Variants in TOM1L2 observed in about 807,000 individuals in gnomAD.
TOM1L2 encodes TOM1-like protein 2.
A neutral mutation model predicts 67.9 loss-of-function variants in TOM1L2; 31 were observed. That is an observed-to-expected ratio of 0.46 (90% CI 0.34 to 0.62). The LOEUF is 0.62. Among genes scored for constraint, TOM1L2 ranks in the 20% least tolerant of loss-of-function variants. The pLI, the probability that TOM1L2 is intolerant of heterozygous loss-of-function variation, is 0.01. For missense variants in TOM1L2, 606 were observed against 663.5 expected (o/e 0.91, Z 0.95); for synonymous variants, 256 against 254.0 (o/e 1.01, Z -0.07).
At chr17:17,919,474 C>T (rs2039762885) in intron 1 of TOM1L2, among the ~76,000 whole-genome samples, 1 of 152,234 alleles carries the variant, frequency 6.6e-6, no homozygotes, top group African/African-American at 2.4e-5. Context: ...GACCTCCATG[C>T]TTCCAGAAGG....
At chr17:17,890,365 G>T (rs529221238) in intron 4 of TOM1L2, among the ~76,000 whole-genome samples, 155 of 152,016 alleles carry the variant, frequency 1.0e-3, no homozygotes, top group African/African-American at 3.5e-3. Flanking sequence ...GCTAATATTT[G>T]GCCATTTTTG....
chr17:17,867,162 G>A (rs1313734148), intron 8 of TOM1L2, among the ~76,000 whole-genome samples: 2 of 152,112 alleles, frequency 1.3e-5, no homozygotes, highest in Non-Finnish European at 2.9e-5. Context: ...GTGGTGGCTG[G>A]CCCATCATGG....
chr17:17,875,960 G>C (rs1449663013), intron 7 of TOM1L2, among the ~76,000 whole-genome samples: 1 of 152,254 alleles, frequency 6.6e-6, no homozygotes, highest in Non-Finnish European at 1.5e-5. Context: ...GACGCAAGAA[G>C]CAAGAGGAGA....
intron 4 of TOM1L2, 140 bp from the exon 5 acceptor site, chr17:17,884,908 G>A (rs1340302371): frequency 2.6e-6 from 3 of 1,134,438 alleles, no homozygotes; most frequent in African/African-American, 1.5e-5. Context: ...AACCTATTCT[G>A]TTCCTCTCCT....
At chr17:17,911,286 C>T (rs901123131) in intron 1 of TOM1L2, among the ~76,000 whole-genome samples, 3 of 151,946 alleles carry the variant, frequency 2.0e-5, no homozygotes, top group Non-Finnish European at 4.4e-5. Context: ...TCTGATTACC[C>T]GAGCTCAGGC....
intron 1 of TOM1L2, among the ~76,000 whole-genome samples, chr17:17,934,892 C>A (rs1459075542): frequency 6.6e-6 from 1 of 152,150 alleles, no homozygotes; most frequent in Non-Finnish European, 1.5e-5. Context: ...GCTCCAGGTT[C>A]CTGAGATTTC....
intron 10 of TOM1L2, 116 bp downstream of exon 10, chr17:17,866,180 A>G (rs1403402205): frequency 7.8e-7 from 1 of 1,280,392 alleles, no homozygotes; most frequent in Non-Finnish European, 1.0e-6. Context: ...ATACACTTTC[A>G]CATGTATTTC....
chr17:17,897,895 G>T lies in TOM1L2; in HGVS notation c.216+701C>A, dbSNP rs143625645. On this transcript the variant is annotated intron_variant, in intron 3 of 14. Transcript: ENST00000379504. Reference sequence around the variant, plus strand: ...AAAGTTCAGCACAGTCCCAGGCAGGGGCAGGTACTCAATAGGTGGAAGTTA... The same window carrying T: ...AAAGTTCAGCACAGTCCCAGGCAGGTGCAGGTACTCAATAGGTGGAAGTTA... Among the ~76,000 whole-genome samples, 3 of 151,962 alleles carry T rather than the reference G, an allele frequency of 2.0e-5. No individual in the cohort carries two copies. In the East Asian group the frequency reaches 5.8e-4, roughly 29 times the overall value.
intron 1 of TOM1L2, among the ~76,000 whole-genome samples, chr17:17,916,988 C>G (rs2039652963): frequency 6.6e-6 from 1 of 152,074 alleles, no homozygotes; most frequent in Non-Finnish European, 1.5e-5. Context: ...GGTGAAACCC[C>G]ATCTCTACTA....
intron 1 of TOM1L2, among the ~76,000 whole-genome samples, 178 bp downstream of exon 1, chr17:17,972,084 G>A (rs912034161): frequency 6.6e-6 from 1 of 151,838 alleles, no homozygotes; most frequent in Non-Finnish European, 1.5e-5. Flanking sequence ...GGTGGCACAA[G>A]CGCCCGGCAA....
At chr17:17,852,383 AC>A (rs1402152509) in intron 12 of TOM1L2, among the ~76,000 whole-genome samples, 4 of 152,056 alleles carry the variant, frequency 2.6e-5, no homozygotes, top group Non-Finnish European at 5.9e-5. Flanking sequence ...CTACGATGCC[AC>A]CAGAGCTCTT....
chr17:17,941,528 A>G (rs2040733729), intron 1 of TOM1L2, among the ~76,000 whole-genome samples: 1 of 152,196 alleles, frequency 6.6e-6, no homozygotes, highest in South Asian at 2.1e-4. Flanking sequence ...ACTAGATCAG[A>G]TCTTTTAGAA....
chr17:17,885,530 A>C (rs988225118), intron 4 of TOM1L2, among the ~76,000 whole-genome samples: 29 of 152,260 alleles, frequency 1.9e-4, no homozygotes, highest in African/African-American at 6.5e-4. Context: ...AGAAAAGCAC[A>C]ATCACCAGAT....
intron 1 of TOM1L2, among the ~76,000 whole-genome samples, chr17:17,955,002 T>C (rs1320358371): frequency 6.6e-6 from 1 of 152,182 alleles, no homozygotes; most frequent in Non-Finnish European, 1.5e-5. Flanking sequence ...AGCAATGTCT[T>C]TATGTTCAAA....
chr17:17,934,270 C>T (rs2040435563), intron 1 of TOM1L2, among the ~76,000 whole-genome samples: 1 of 152,152 alleles, frequency 6.6e-6, no homozygotes, highest in Admixed American at 6.5e-5. Flanking sequence ...CATAGTGAGA[C>T]TTTGTCTCTA....
intron 1 of TOM1L2, among the ~76,000 whole-genome samples, chr17:17,931,978 A>G (rs1441859489): frequency 6.6e-6 from 1 of 152,230 alleles, no homozygotes; most frequent in Non-Finnish European, 1.5e-5. Context: ...AATTGTTATG[A>G]ATGTATATCA....
intron 1 of TOM1L2, among the ~76,000 whole-genome samples, chr17:17,954,312 CTT>C (rs5819638): frequency 8.2e-5 from 11 of 134,666 alleles, no homozygotes; most frequent in Non-Finnish European, 1.3e-4. Flanking sequence ...ATAAATCATT[CTT>C]TTTTTTTTTT....
chr17:17,935,300 T>C (rs1313175707), intron 1 of TOM1L2, among the ~76,000 whole-genome samples: 1 of 152,248 alleles, frequency 6.6e-6, no homozygotes, highest in African/African-American at 2.4e-5. Context: ...TATACATCTT[T>C]CTACTCTAGC....
intron 2 of TOM1L2, among the ~76,000 whole-genome samples, chr17:17,900,299 C>T (rs1316165070): frequency 2.0e-5 from 3 of 147,624 alleles, no homozygotes; most frequent in Non-Finnish European, 3.0e-5. Flanking sequence ...ATGGGTGGAT[C>T]ACTTGAGGTC....
Sources: allele counts gnomAD v4.1 joint callset (sites outside exome capture counted in the v4.1 genomes callset), GRCh38; gene constraint gnomAD v4.1.1; transcripts MANE v1.5; gene names NCBI Gene and HGNC (gene_info 2026-07-23, HGNC 2026-07-21).